ENTREP2: variants seen among roughly 807,000 people sequenced by gnomAD.
The protein encoded by ENTREP2 is protein ENTREP2.
chr15:29,386,736 G>A, the ENTREP2 span, among the ~76,000 whole-genome samples: 4 of 152,162 alleles, frequency 2.6e-5, no homozygotes, highest in African/African-American at 7.2e-5. Flanking sequence ...AGCTCTACAC[G>A]AGGAGAAAGC....
the ENTREP2 span, among the ~76,000 whole-genome samples, chr15:29,512,409 A>G: frequency 0.1 from 15,517 of 152,212 alleles, 999 homozygotes; most frequent in African/African-American, 0.18. Flanking sequence ...CCAAGGCAAC[A>G]AGACCAATAA....
the ENTREP2 span, among the ~76,000 whole-genome samples, chr15:29,398,448 G>A: frequency 6.6e-6 from 1 of 152,076 alleles, no homozygotes; most frequent in African/African-American, 2.4e-5. Flanking sequence ...TTAGGGCTGG[G>A]GGCAGTGGCT....
chr15:29,149,860 G>A, the ENTREP2 span, among the ~76,000 whole-genome samples: 1 of 152,222 alleles, frequency 6.6e-6, no homozygotes, highest in Non-Finnish European at 1.5e-5. Context: ...AGACCGGAAA[G>A]GATGTGCTGG....
the ENTREP2 span, among the ~76,000 whole-genome samples, chr15:29,616,560 G>C: frequency 6.6e-6 from 1 of 152,098 alleles, no homozygotes; most frequent in African/African-American, 2.4e-5. Flanking sequence ...TATATTTAAG[G>C]TGTATGACTT....
chr15:29,406,200 T>C, the ENTREP2 span, among the ~76,000 whole-genome samples: 1 of 152,204 alleles, frequency 6.6e-6, no homozygotes, highest in African/African-American at 2.4e-5. Context: ...AAAATACTCA[T>C]GACCTATTAT....
At chr15:29,665,769 T>C in the ENTREP2 span, among the ~76,000 whole-genome samples, 1 of 152,168 alleles carries the variant, frequency 6.6e-6, no homozygotes, top group Non-Finnish European at 1.5e-5. Flanking sequence ...AGGACCTGTT[T>C]TGAAGGTTCC....
chr15:29,524,824 T>C, the ENTREP2 span, among the ~76,000 whole-genome samples: 1 of 151,970 alleles, frequency 6.6e-6, no homozygotes, highest in African/African-American at 2.4e-5. Flanking sequence ...ACCAGAAGAG[T>C]GTGCAGTTGC....
chr15:29,206,593 C>A, the ENTREP2 span, among the ~76,000 whole-genome samples: 1 of 152,162 alleles, frequency 6.6e-6, no homozygotes, highest in Admixed American at 6.5e-5. Context: ...ACAGAAAAAC[C>A]CACAGGGACA....
At chr15:29,407,608 G>A in the ENTREP2 span, among the ~76,000 whole-genome samples, 47 of 152,254 alleles carry the variant, frequency 3.1e-4, no homozygotes, top group African/African-American at 1.1e-3. Context: ...CAGGTAAGGA[G>A]GGAGCAGGTG....
chr15:29,374,462 C>G, the ENTREP2 span: 1 of 152,088 alleles, frequency 6.6e-6, no homozygotes, highest in Non-Finnish European at 1.5e-5. Flanking sequence ...CAAGTATAGT[C>G]TAAGAATCTT....
At chr15:29,347,079 C>T in the ENTREP2 span, among the ~76,000 whole-genome samples, 4 of 152,158 alleles carry the variant, frequency 2.6e-5, no homozygotes, top group East Asian at 5.8e-4. Flanking sequence ...CTGAAAAGTC[C>T]CAGAGAAGCC....
At chr15:29,508,749 T>C in the ENTREP2 span, among the ~76,000 whole-genome samples, 1 of 152,124 alleles carries the variant, frequency 6.6e-6, no homozygotes, top group Non-Finnish European at 1.5e-5. Context: ...ATGGAACATA[T>C]CTCAAGATAA....
the ENTREP2 span, among the ~76,000 whole-genome samples, chr15:29,258,789 C>T: frequency 6.6e-6 from 1 of 152,146 alleles, no homozygotes; most frequent in Non-Finnish European, 1.5e-5. Context: ...CTTTCTGTCC[C>T]TTGAAATTTG....
At chr15:29,573,138 G>A in the ENTREP2 span, among the ~76,000 whole-genome samples, 6 of 152,126 alleles carry the variant, frequency 3.9e-5, no homozygotes, top group African/African-American at 1.4e-4. Flanking sequence ...TATGTGAATT[G>A]ATTTGTTTTA....
the ENTREP2 span, among the ~76,000 whole-genome samples, chr15:29,258,073 C>T: frequency 6.6e-5 from 10 of 152,026 alleles, no homozygotes; most frequent in Middle Eastern, 3.4e-3. Flanking sequence ...ATTAGCCGGG[C>T]GTGCTGGCAC....
the ENTREP2 span, among the ~76,000 whole-genome samples, chr15:29,641,671 A>G: frequency 2.0e-5 from 3 of 152,018 alleles, no homozygotes; most frequent in Non-Finnish European, 2.9e-5. Flanking sequence ...GTCTCTAAAA[A>G]AAGCACAAAA....
At chr15:29,393,152 C>T in the ENTREP2 span, among the ~76,000 whole-genome samples, 1 of 152,174 alleles carries the variant, frequency 6.6e-6, no homozygotes, top group Non-Finnish European at 1.5e-5. Context: ...AAAGTTTGCC[C>T]TTTGTTGTCT....
chr15:29,295,872 C>T, the ENTREP2 span, among the ~76,000 whole-genome samples: 1 of 152,166 alleles, frequency 6.6e-6, no homozygotes, highest in African/African-American at 2.4e-5. Context: ...CTGGAATATT[C>T]CATTTAGTAT....
At chr15:29,646,667 A>T in the ENTREP2 span, among the ~76,000 whole-genome samples, 1 of 152,270 alleles carries the variant, frequency 6.6e-6, no homozygotes, top group African/African-American at 2.4e-5. Context: ...AGTTCAGCTG[A>T]CTTGGGAACT....
Sources: gnomAD v4.1 joint callset for allele counts (sites outside exome capture counted in the v4.1 genomes callset) on GRCh38, gnomAD v4.1.1 for gene constraint, MANE v1.5 for transcripts, NCBI Gene and HGNC (gene_info 2026-07-23, HGNC 2026-07-21) for gene names.